Variants in JAG1 observed in about 807,000 individuals in gnomAD.
JAG1 encodes protein jagged-1.
In JAG1, 23 loss-of-function variants were observed where a neutral mutation model predicts 148.7. The ratio of observed to expected loss-of-function variants is 0.15; its 90% CI spans 0.11 to 0.22. The LOEUF is 0.22. Among genes scored for constraint, JAG1 ranks in the 10% least tolerant of loss-of-function variants. The probability of loss-of-function intolerance (pLI) is 1.00; values close to 1 mark genes in which losing one functional copy is unlikely to be tolerated. For synonymous variants in JAG1, 572 were observed against 598.3 expected (o/e 0.96, Z 0.64); for missense variants, 1,054 against 1,611.2 (o/e 0.65, Z 5.92).
At chr20:10,667,601 A>T (rs2067463658) in intron 2 of JAG1, among the ~76,000 whole-genome samples, 1 of 152,246 alleles carries the variant, frequency 6.6e-6, no homozygotes, top group Non-Finnish European at 1.5e-5. Flanking sequence ...ACTATCCTAT[A>T]GCATCTAGGC....
chr20:10,660,134 AG>A (rs1361492416), intron 3 of JAG1, among the ~76,000 whole-genome samples: 1 of 152,204 alleles, frequency 6.6e-6, no homozygotes, highest in Non-Finnish European at 1.5e-5. Flanking sequence ...TCCTTTAAAA[AG>A]TGATGCAAGC....
intron 13 of JAG1, chr20:10,647,341 C>A (rs750355286): frequency 1.6e-5 from 9 of 574,064 alleles, no homozygotes; most frequent in Admixed American, 5.7e-5. Context: ...GGAAAACCCA[C>A]ATGCTTGTGG....
intron 14 of JAG1, 62 bp from the exon 15 acceptor site, chr20:10,646,146 G>T: frequency 1.6e-6 from 2 of 1,235,888 alleles, no homozygotes; most frequent in African/African-American, 1.5e-5. Flanking sequence ...GACAAGCACT[G>T]TTCAGCAGTT....
chr20:10,647,269 G>A, intron 13 of JAG1, 166 bp from the exon 14 acceptor site: 3 of 735,398 alleles, frequency 4.1e-6, no homozygotes, highest in Non-Finnish European at 7.1e-6. Context: ...ATCACATTAT[G>A]ACAGGCAAAG....
At chr20:10,665,990 A>G (rs1300632862) in intron 2 of JAG1, among the ~76,000 whole-genome samples, 1 of 152,166 alleles carries the variant, frequency 6.6e-6, no homozygotes, top group East Asian at 1.9e-4. Context: ...AGAATTGCAC[A>G]CAGCCCTACG....
At chr20:10,669,547 CAAAAAAAAAAAAAAAAAAAAAAAA>C (rs56122797) in intron 2 of JAG1, among the ~76,000 whole-genome samples, 56 of 44,198 alleles carry the variant, frequency 1.3e-3, no homozygotes, top group Admixed American at 2.2e-3. Context: ...TTGGATTTTC[CAAAAAAAAAAAAAAAAAAAAAAAA>C]AAAAAAAAAA....
chr20:10,649,416 A>G (rs2067331265), intron 10 of JAG1, 106 bp downstream of exon 10: 1 of 759,348 alleles, frequency 1.3e-6, no homozygotes, highest in Admixed American at 2.0e-5. Flanking sequence ...TCCCACTCTA[A>G]GGTTTTCCTT....
intron 3 of JAG1, among the ~76,000 whole-genome samples, chr20:10,659,571 T>C (rs2067402004): frequency 6.8e-6 from 1 of 147,848 alleles, no homozygotes; most frequent in Admixed American, 6.7e-5. Flanking sequence ...TTTTTTTTTT[T>C]TTTTTTTTTT....
chr20:10,660,628 T>C (rs912639542), intron 3 of JAG1, among the ~76,000 whole-genome samples: 1 of 152,164 alleles, frequency 6.6e-6, no homozygotes, highest in African/African-American at 2.4e-5. Flanking sequence ...CCGGGAAGTG[T>C]CGTGCAGAGG....
At chr20:10,670,918 G>A (rs573098553) in intron 2 of JAG1, among the ~76,000 whole-genome samples, 92 of 152,330 alleles carry the variant, frequency 6.0e-4, no homozygotes, top group African/African-American at 2.2e-3. Context: ...CTGACCAAGT[G>A]TCAAAAGCGG....
Position 10,645,171 on chromosome 20 carries a change from G to A in JAG1, c.2199C>T (p.Gly733=), listed in dbSNP as rs756062969. The A allele has an allele frequency of 2.4e-5, 38 of 1,613,898 alleles. No individual in the cohort carries two copies. The highest frequency in any genetic ancestry group is 2.8e-5 in the Non-Finnish European group (33 of 1,179,940). The part of the protein sequence containing the change: ...EGDAFKCMCP[G]GWEGTTCNIA... ...TGTTACAGGTTGTTCCTTCCCAGCC[G>A]CCAGGACACATGCACTTAAAAGCAT... The change falls in exon 17 of 26, where the codon GGC becomes GGT. Residue 733 remains glycine, a synonymous_variant. Coordinates refer to ENST00000254958, the MANE Select transcript of JAG1 (RefSeq NM_000214.3). This position sits in a 1 kb window ranked among gnomAD's most constrained non-coding sequence, Gnocchi z 6.1.
At chr20:10,660,428 T>C (rs7353638) in intron 3 of JAG1, among the ~76,000 whole-genome samples, 1 of 152,216 alleles carries the variant, frequency 6.6e-6, no homozygotes, top group Non-Finnish European at 1.5e-5. Flanking sequence ...AAAAGCATAG[T>C]GGGCTATTAC....
rs762121866 is a variant in JAG1, at chr20:10,641,886, C to G, written c.2579G>C (p.Gly860Ala). Residue 860 changes from glycine to alanine, a missense_variant, in exon 22 of 26, where the codon GGG (glycine) becomes GCG (alanine). Around this residue, in one of 6 missense-constraint regions of JAG1, gnomAD observed 342 missense variants for 514.6 expected, o/e 0.66. Coordinates refer to ENST00000254958, the MANE Select transcript of JAG1 (RefSeq NM_000214.3). ...ACTCCCCATGGTGATGCAAGGTCTC[C>G]CTGAAACTGACAGGTGGAGACGGGT... Reference protein sequence around the residue: ...HSGAKCQEVSGRPCITMGSVI... With the variant: ...HSGAKCQEVSARPCITMGSVI... 16 of 1,608,258 alleles carry G rather than the reference C, an allele frequency of 9.9e-6. No homozygotes were observed. In the South Asian group the frequency reaches 1.8e-4, roughly 18 times the overall value.
At chr20:10,647,152 G>C (rs375631340) in intron 13 of JAG1, 49 bp from the exon 14 acceptor site, 1 of 1,609,832 alleles carries the variant, frequency 6.2e-7, no homozygotes, top group East Asian at 2.2e-5. Context: ...CCACAGATGC[G>C]GCATTCCTAA....
intron 5 of JAG1, among the ~76,000 whole-genome samples, chr20:10,655,171 T>C (rs1568799558): frequency 6.6e-6 from 1 of 152,150 alleles, no homozygotes; most frequent in African/African-American, 2.4e-5. Flanking sequence ...ATGTTCCCCC[T>C]TGCATGGGAG....
chr20:10,665,392 A>G (rs990331268), intron 2 of JAG1, among the ~76,000 whole-genome samples: 30 of 152,214 alleles, frequency 2.0e-4, no homozygotes, highest in Admixed American at 1.8e-3. Context: ...AATGCTCAGA[A>G]AAGCAAGCAA....
chr20:10,660,414 G>A (rs2067408393), intron 3 of JAG1, among the ~76,000 whole-genome samples: 1 of 152,222 alleles, frequency 6.6e-6, no homozygotes, highest in Admixed American at 6.5e-5. Flanking sequence ...TGCTGGTTCA[G>A]TTAAAAAGCA....
chr20:10,664,752 A>C (rs1440611249), intron 2 of JAG1, among the ~76,000 whole-genome samples: 3 of 152,192 alleles, frequency 2.0e-5, no homozygotes, highest in Non-Finnish European at 2.9e-5. Context: ...TGTTAATAAG[A>C]TCTAACATTC....
chr20:10,640,744 C>T, intron 25 of JAG1, 39 bp downstream of exon 25: 1 of 1,595,498 alleles, frequency 6.3e-7, no homozygotes. Context: ...ATGAGATCAT[C>T]TACTATCATC....
Sources: allele counts gnomAD v4.1 joint callset (sites outside exome capture counted in the v4.1 genomes callset), GRCh38; gene constraint gnomAD v4.1.1; regional missense constraint gnomAD v4.1.1; non-coding constraint Gnocchi (gnomAD v3.1); transcripts MANE v1.5; gene names NCBI Gene and HGNC (gene_info 2026-07-23, HGNC 2026-07-21).